The following IKBIP variants were observed in gnomAD, a reference collection of about 807,000 sequenced individuals.
IKBIP encodes the protein inhibitor of nuclear factor kappa-B kinase-interacting protein.
IKBIP carries 28 observed loss-of-function variants against 31.0 expected under a neutral mutation model. The observed-to-expected ratio is 0.90, with a 90% CI of 0.67 to 1.24. The LOEUF (loss-of-function observed/expected upper bound fraction) is 1.24. Among genes scored for constraint, IKBIP ranks in the 50% most tolerant of loss-of-function variants. The pLI is 0.00. For missense variants in IKBIP, 453 were observed against 441.9 expected (o/e 1.03, Z -0.23); for synonymous variants, 164 against 160.3 (o/e 1.02, Z -0.17).
At chr12:98,629,858 A>G (rs1308602340) in intron 2 of IKBIP, among the ~76,000 whole-genome samples, 2 of 152,190 alleles carry the variant, frequency 1.3e-5, no homozygotes, top group Non-Finnish European at 2.9e-5. Flanking sequence ...TAATCTGCAA[A>G]TATTTAGTGA....
chr12:98,625,797 A>G lies in IKBIP; in HGVS notation c.*133T>C. ...AAGATAAGCTTTGATTATGTGGATA[A>G]TCCATTTGTGTGGACATCTCATTTA... is the stretch of plus-strand genomic sequence containing the variant. On this transcript the variant is annotated 3_prime_UTR_variant, in exon 3 of 3. Transcript: ENST00000299157. 1.6e-6 allele frequency: 1 copy of G among 638,570 alleles called. No individual in the cohort carries two copies. Among genetic ancestry groups the G allele is most frequent in the Non-Finnish European group, 2.3e-6 (1 of 432,624 alleles). The allele number at this position is 638,570 out of a possible 1,614,324, so 39.6% of individuals were successfully genotyped here. A position where few individuals can be genotyped will look rare whatever the true frequency, so the allele number is the denominator to read the frequency against.
Position 98,624,900 on chromosome 12 carries a change from G to A in IKBIP, c.*1030C>T. 2.9e-6 allele frequency: 1 copy of A among 350,096 alleles called. No individual in the cohort carries two copies. The highest frequency in any genetic ancestry group is 4.0e-6 in the Non-Finnish European group (1 of 249,546). The allele number at this position is 350,096 out of a possible 1,614,324, so 21.7% of individuals were successfully genotyped here. ...GCTCACTGCAAGCTCTGCCTCCCGGGTTCACACCATTCTCCTGCCTCAGCC... is the reference window on the plus strand; with the variant it reads ...GCTCACTGCAAGCTCTGCCTCCCGGATTCACACCATTCTCCTGCCTCAGCC... On this transcript the variant is annotated 3_prime_UTR_variant, in exon 3 of 3. Coordinates refer to ENST00000299157, the MANE Select transcript of IKBIP (RefSeq NM_153687.4).
At chr12:98,623,794 G>T (rs1341961643), downstream of IKBIP, among the ~76,000 whole-genome samples, 2 of 150,944 alleles carry the variant, frequency 1.3e-5, no homozygotes, top group East Asian at 3.9e-4. Flanking sequence ...CTAAAGAAAA[G>T]ACTAACAATG....
intron 2 of IKBIP, among the ~76,000 whole-genome samples, chr12:98,627,267 C>G (rs892487580): frequency 6.9e-6 from 1 of 145,706 alleles, no homozygotes; most frequent in African/African-American, 2.5e-5. Flanking sequence ...CCGCGCCTGG[C>G]CAGCACTATG....
downstream of IKBIP, among the ~76,000 whole-genome samples, chr12:98,624,070 C>T (rs1277993095): frequency 6.7e-6 from 1 of 148,548 alleles, no homozygotes; most frequent in Non-Finnish European, 1.5e-5. Context: ...TTATAGAGAA[C>T]AGTAGCCACC....
chr12:98,641,911 T>C (rs1313298993), intron 1 of IKBIP, among the ~76,000 whole-genome samples: 1 of 152,206 alleles, frequency 6.6e-6, no homozygotes, highest in Non-Finnish European at 1.5e-5. Context: ...CGCCTCAGTT[T>C]CCCAAAGTGT....
intron 2 of IKBIP, among the ~76,000 whole-genome samples, 187 bp downstream of exon 2, chr12:98,634,109 G>T (rs2097623537): frequency 6.6e-6 from 1 of 152,068 alleles, no homozygotes; most frequent in South Asian, 2.1e-4. Flanking sequence ...AAAAATCCTT[G>T]CCCCTCAAAA....
In IKBIP at chr12:98,624,497, T is replaced by C; in HGVS notation, c.*1433A>G. ...TCCAAAAACTTGCAAATTTACATATTAAAACTACTTGACCACAACTACCTT... is the reference window on the plus strand; with the variant it reads ...TCCAAAAACTTGCAAATTTACATATCAAAACTACTTGACCACAACTACCTT... On this transcript the variant is annotated 3_prime_UTR_variant, in exon 3 of 3. Coordinates refer to ENST00000299157, the MANE Select transcript of IKBIP (RefSeq NM_153687.4). 1 of 985,386 alleles carries C rather than the reference T, an allele frequency of 1.0e-6. No individual in the cohort carries two copies. The highest frequency in any genetic ancestry group is 1.2e-6 in the Non-Finnish European group (1 of 829,880). The allele number at this position is 985,386 out of a possible 1,614,324, so 61.0% of individuals were successfully genotyped here.
intron 2 of IKBIP, among the ~76,000 whole-genome samples, chr12:98,633,768 C>G (rs1334480199): frequency 6.6e-6 from 1 of 152,072 alleles, no homozygotes; most frequent in Non-Finnish European, 1.5e-5. Context: ...TTGCCTGGCT[C>G]AGCCTCCCAC....
chr12:98,636,818 A>G (rs575745344), intron 1 of IKBIP, among the ~76,000 whole-genome samples: 6 of 150,218 alleles, frequency 4.0e-5, no homozygotes, highest in Non-Finnish European at 5.9e-5. Flanking sequence ...AGAGTATTGG[A>G]TATCTAAGAC....
exon 3 of IKBIP, chr12:98,613,883 T>A: frequency 6.2e-7 from 1 of 1,613,436 alleles, no homozygotes; most frequent in Non-Finnish European, 8.5e-7. Flanking sequence ...TTTGTCGAAG[T>A]CACTCTTTAG....
At chr12:98,627,116 G>A (rs1232629335) in intron 2 of IKBIP, among the ~76,000 whole-genome samples, 1 of 151,204 alleles carries the variant, frequency 6.6e-6, no homozygotes, top group Non-Finnish European at 1.5e-5. Flanking sequence ...TTACAGGTAC[G>A]CGCCACTATG....
At chr12:98,642,599 C>CTTATTTTT (rs1565845650) in intron 1 of IKBIP, among the ~76,000 whole-genome samples, 1 of 115,278 alleles carries the variant, frequency 8.7e-6, no homozygotes, top group East Asian at 2.6e-4. Context: ...ATGCTATCTG[C>CTTATTTTT]TTTTTTTTTT....
At chr12:98,638,391 AC>A (rs1324475537) in intron 1 of IKBIP, among the ~76,000 whole-genome samples, 1 of 151,374 alleles carries the variant, frequency 6.6e-6, no homozygotes, top group Non-Finnish European at 1.5e-5. Context: ...AATCCATCCT[AC>A]CCCCTCAGCC....
chr12:98,614,835 G>T (rs1223984331), intron 2 of IKBIP, among the ~76,000 whole-genome samples: 1 of 152,160 alleles, frequency 6.6e-6, no homozygotes, highest in African/African-American at 2.4e-5. Context: ...AATTACTAAT[G>T]AATAAGAAGG....
At position 98,634,385 on chromosome 12, in the gene IKBIP, CA is replaced by C; in HGVS notation, c.207del (p.Phe69LeufsTer11). ...AACTGGTATTGGTTTTCCACCTTTG[CA>C]AATTTTTCTGACTGCTGAAATACAA... Reference protein sequence around the residue: ...AWFVFQQSEKFAKVENQYQLL... With the variant: ...AWFVFQQSEKXAKVENQYQLL... On this transcript the variant is annotated frameshift_variant, in exon 2 of 3. Coordinates refer to ENST00000299157, the MANE Select transcript of IKBIP (RefSeq NM_153687.4). LOFTEE classifies it high-confidence loss of function. 3 of 1,597,028 alleles carry C rather than the reference CA, an allele frequency of 1.9e-6. No individual in the cohort carries two copies. The highest frequency in any genetic ancestry group is 2.6e-6 in the Non-Finnish European group (3 of 1,166,326).
At position 98,641,013 on chromosome 12, in the gene IKBIP, G is replaced by A. The variant is rs550344285; in HGVS notation, c.179+3510C>T. Among the ~76,000 whole-genome samples the A allele has an allele frequency of 2.4e-4, 36 of 152,214 alleles. No homozygotes were observed. In the East Asian group the frequency reaches 6.4e-3, roughly 27 times the overall value. ...CCTGAGCTCAAGATCCGCCCAACTC[G>A]GCCTCCCAAAGTGCTGGGATTACAG... On this transcript the variant is annotated intron_variant, in intron 1 of 2. Coordinates refer to ENST00000299157, the MANE Select transcript of IKBIP (RefSeq NM_153687.4).
At chr12:98,633,738 A>G (rs1052408135) in intron 2 of IKBIP, among the ~76,000 whole-genome samples, 8 of 151,958 alleles carry the variant, frequency 5.3e-5, no homozygotes, top group African/African-American at 1.9e-4. Flanking sequence ...CTGGTCTCCT[A>G]ACTCCTGACC....
At chr12:98,618,793 C>T (rs1448298660) in intron 2 of IKBIP, among the ~76,000 whole-genome samples, 2 of 152,248 alleles carry the variant, frequency 1.3e-5, no homozygotes, top group South Asian at 2.1e-4. Flanking sequence ...TGGCTAATGC[C>T]AACCTTTTGA....
Sources: allele counts gnomAD v4.1 joint callset (sites outside exome capture counted in the v4.1 genomes callset), GRCh38; gene constraint gnomAD v4.1.1; transcripts MANE v1.5; gene names NCBI Gene and HGNC (gene_info 2026-07-23, HGNC 2026-07-21).